The following GRIN2A variants were observed in gnomAD, a reference collection of about 807,000 sequenced individuals.
The protein encoded by GRIN2A is glutamate ionotropic receptor NMDA type subunit 2A.
GRIN2A carries 22 observed loss-of-function variants against 113.4 expected under a neutral mutation model. The observed-to-expected ratio is 0.19, with a 90% CI of 0.14 to 0.28. The LOEUF is 0.28. Ranked by LOEUF, GRIN2A falls within the 10% of genes least tolerant of loss-of-function variation. GRIN2A has a pLI of 1.00. For missense variants in GRIN2A, 1,502 were observed against 1,887.0 expected, an observed-to-expected ratio of 0.80 and a Z score of 3.78; for synonymous variants, 827 against 738.4, an observed-to-expected ratio of 1.12 and a Z score of -1.94.
Position 10,159,778 on chromosome 16 carries a change from T to C in GRIN2A, c.414+20220A>G, listed in dbSNP as rs569369870. On this transcript the variant is annotated intron_variant, in intron 2 of 12. Coordinates refer to ENST00000330684, the MANE Select transcript of GRIN2A (RefSeq NM_001134407.3). ...ATATTATTCTTTGTGAGAGAGAATATGAAAGCTCAAATTCCATCCCAGATC... is the reference window on the plus strand; with the variant it reads ...ATATTATTCTTTGTGAGAGAGAATACGAAAGCTCAAATTCCATCCCAGATC... 1.1e-4 allele frequency among the ~76,000 whole-genome samples: 16 copies of C among 152,314 alleles called. No homozygotes were observed. In the South Asian group the frequency reaches 3.3e-3, roughly 32 times the overall value.
chr16:9,906,527 A>G (rs12708642), intron 3 of GRIN2A, among the ~76,000 whole-genome samples: 1 of 152,128 alleles, frequency 6.6e-6, no homozygotes, highest in Non-Finnish European at 1.5e-5. Context: ...TCTCATTCAA[A>G]CACATTTCTT....
At chr16:9,785,797 G>C (rs1482792176) in intron 11 of GRIN2A, among the ~76,000 whole-genome samples, 1 of 152,176 alleles carries the variant, frequency 6.6e-6, no homozygotes, top group African/African-American at 2.4e-5. Context: ...GTGAAAATTA[G>C]GTGTCTGTAT....
chr16:9,990,400 G>C (rs1292201206), intron 2 of GRIN2A, among the ~76,000 whole-genome samples: 1 of 151,862 alleles, frequency 6.6e-6, no homozygotes. Flanking sequence ...GGAGGGAGGG[G>C]GTCAAGGGTT....
At chr16:9,856,725 A>G (rs2042975659) in intron 4 of GRIN2A, among the ~76,000 whole-genome samples, 1 of 152,114 alleles carries the variant, frequency 6.6e-6, no homozygotes, top group Admixed American at 6.6e-5. Context: ...CTAAAAATAG[A>G]TACATGAATA....
chr16:9,823,814 G>C (rs2042333813), intron 9 of GRIN2A, among the ~76,000 whole-genome samples: 2 of 152,122 alleles, frequency 1.3e-5, no homozygotes, highest in Admixed American at 1.3e-4. Flanking sequence ...CACAGGCTGA[G>C]GTCTTAACTC....
chr16:10,062,737 T>C (rs1331640244), intron 2 of GRIN2A, among the ~76,000 whole-genome samples: 1 of 151,984 alleles, frequency 6.6e-6, no homozygotes, highest in East Asian at 1.9e-4. Context: ...TGATGGCATA[T>C]GTCTATAATC....
At chr16:10,071,811 G>A (rs1322237393) in intron 2 of GRIN2A, among the ~76,000 whole-genome samples, 3 of 152,204 alleles carry the variant, frequency 2.0e-5, no homozygotes, top group East Asian at 1.9e-4. Flanking sequence ...GTGGACGGGA[G>A]CCGACACCAG....
intron 11 of GRIN2A, among the ~76,000 whole-genome samples, chr16:9,779,455 A>G (rs1901808903): frequency 6.6e-6 from 1 of 152,224 alleles, no homozygotes; most frequent in South Asian, 2.1e-4. Context: ...CTTAGTATAC[A>G]CAAGGAGCTT....
chr16:10,162,141 A>G (rs2049820030), intron 2 of GRIN2A, among the ~76,000 whole-genome samples: 2 of 152,188 alleles, frequency 1.3e-5, no homozygotes, highest in African/African-American at 4.8e-5. Context: ...CCTGAGAAGC[A>G]TTGAACCTAG....
chr16:9,971,344 G>A (rs781268434), intron 2 of GRIN2A, among the ~76,000 whole-genome samples: 30 of 152,178 alleles, frequency 2.0e-4, no homozygotes, highest in African/African-American at 7.2e-4. Flanking sequence ...ACATAAAAAG[G>A]TTACATTAGG....
chr16:9,768,463 T>G (rs9932024), intron 12 of GRIN2A, among the ~76,000 whole-genome samples: 2,073 of 152,314 alleles, frequency 0.014, 56 homozygotes, highest in African/African-American at 0.046. Context: ...TAATATTGAC[T>G]CTACATTCCC....
At chr16:10,101,644 T>C (rs2048398556) in intron 2 of GRIN2A, among the ~76,000 whole-genome samples, 1 of 152,224 alleles carries the variant, frequency 6.6e-6, no homozygotes, top group Admixed American at 6.5e-5. Flanking sequence ...ATACCAATTA[T>C]AAACTTGGGA....
At chr16:10,146,173 A>C (rs1157395719) in intron 2 of GRIN2A, among the ~76,000 whole-genome samples, 1 of 152,076 alleles carries the variant, frequency 6.6e-6, no homozygotes, top group Non-Finnish European at 1.5e-5. Flanking sequence ...ACTGGAGTGC[A>C]GTGGTGCGAT....
intron 2 of GRIN2A, among the ~76,000 whole-genome samples, chr16:9,949,882 G>T (rs1438696451): frequency 1.3e-5 from 2 of 152,150 alleles, no homozygotes; most frequent in African/African-American, 4.8e-5. Flanking sequence ...GTAGCACAGT[G>T]ATGGGTTAGA....
intron 2 of GRIN2A, among the ~76,000 whole-genome samples, chr16:10,083,581 G>T (rs868095327): frequency 1.3e-5 from 2 of 152,114 alleles, no homozygotes; most frequent in African/African-American, 4.8e-5. Flanking sequence ...TCTGCATCCT[G>T]GACTGAACTT....
chr16:10,141,749 T>G (rs892166291), intron 2 of GRIN2A, among the ~76,000 whole-genome samples: 9 of 152,236 alleles, frequency 5.9e-5, no homozygotes, highest in Non-Finnish European at 2.9e-5. Flanking sequence ...TGGCATGCCA[T>G]CCTCAGGGCA....
At chr16:9,878,809 G>GCAA (rs891154262) in intron 4 of GRIN2A, among the ~76,000 whole-genome samples, 8 of 151,444 alleles carry the variant, frequency 5.3e-5, no homozygotes, top group South Asian at 2.1e-4. Context: ...TGTTACAACT[G>GCAA]CAACAACAAC....
intron 2 of GRIN2A, among the ~76,000 whole-genome samples, chr16:10,040,029 T>A (rs1567254324): frequency 6.8e-3 from 8 of 1,174 alleles, no homozygotes; most frequent in Admixed American, 0.013. Context: ...CACACACAAA[T>A]ATACTACACA....
At chr16:10,064,118 T>A (rs1306522415) in intron 2 of GRIN2A, among the ~76,000 whole-genome samples, 2 of 152,256 alleles carry the variant, frequency 1.3e-5, no homozygotes, top group Non-Finnish European at 2.9e-5. Context: ...TGGTAGGTTC[T>A]CAATCGATGT....
Sources: allele counts gnomAD v4.1 joint callset (sites outside exome capture counted in the v4.1 genomes callset), GRCh38; gene constraint gnomAD v4.1.1; transcripts MANE v1.5; gene names NCBI Gene and HGNC (gene_info 2026-07-23, HGNC 2026-07-21).